The following EBF2 variants were observed in gnomAD, a reference collection of about 807,000 sequenced individuals.
EBF2 encodes the protein transcription factor COE2.
A neutral mutation model predicts 72.8 loss-of-function variants in EBF2; 21 were observed. That is an observed-to-expected ratio of 0.29 (90% confidence interval 0.20 to 0.42). The LOEUF (loss-of-function observed/expected upper bound fraction) is 0.42, where lower values mean the gene tolerates loss of function less well. Among genes scored for constraint, EBF2 ranks in the 10% least tolerant of loss-of-function variants. The pLI is 1.00. For missense variants in EBF2, 637 were observed against 731.2 expected (o/e 0.87, Z 1.49); for synonymous variants, 299 against 274.2 (o/e 1.09, Z -0.89).
intron 6 of EBF2, among the ~76,000 whole-genome samples, chr8:25,995,606 T>C (rs576048264): frequency 6.6e-6 from 1 of 152,232 alleles, no homozygotes; most frequent in Admixed American, 6.5e-5. Context: ...AAGTGCACAC[T>C]GAAAATGAAT....
chr8:25,862,276 T>G (rs964320054), intron 11 of EBF2, among the ~76,000 whole-genome samples: 4 of 152,140 alleles, frequency 2.6e-5, no homozygotes, highest in African/African-American at 9.7e-5. Flanking sequence ...TCATAGAAAT[T>G]TTATACAGAA....
At chr8:25,977,091 T>C (rs1239979682) in intron 6 of EBF2, among the ~76,000 whole-genome samples, 2 of 152,164 alleles carry the variant, frequency 1.3e-5, no homozygotes, top group African/African-American at 4.8e-5. Context: ...CTGACTGAGA[T>C]CTGATTAGGG....
At chr8:25,891,379 A>C (rs2117294774) in intron 7 of EBF2, among the ~76,000 whole-genome samples, 1 of 152,120 alleles carries the variant, frequency 6.6e-6, no homozygotes, top group South Asian at 2.1e-4. Context: ...ATTATTATTG[A>C]GAAAAAAAAA....
intron 6 of EBF2, among the ~76,000 whole-genome samples, chr8:26,023,979 T>C (rs1417101944): frequency 2.6e-5 from 4 of 152,214 alleles, no homozygotes; most frequent in Admixed American, 6.5e-5. Flanking sequence ...AAAATCCTTC[T>C]ACATCTTCCA....
intron 6 of EBF2, among the ~76,000 whole-genome samples, chr8:25,994,542 C>T (rs532974591): frequency 6.6e-6 from 1 of 152,150 alleles, no homozygotes; most frequent in Non-Finnish European, 1.5e-5. Context: ...AACTTAGATG[C>T]CCCAAAATGG....
At chr8:26,003,288 T>C (rs1804771891) in intron 6 of EBF2, among the ~76,000 whole-genome samples, 2 of 152,176 alleles carry the variant, frequency 1.3e-5, no homozygotes, top group South Asian at 4.1e-4. Context: ...AGGAGCTGAA[T>C]GCCCCCTGAG....
chr8:26,014,350 C>A (rs111591498), intron 6 of EBF2, among the ~76,000 whole-genome samples: 1 of 151,966 alleles, frequency 6.6e-6, no homozygotes, highest in South Asian at 2.1e-4. Flanking sequence ...TGCCCTCTGA[C>A]TTTTATTATT....
chr8:25,859,173 A>T (rs1046881131), intron 13 of EBF2, among the ~76,000 whole-genome samples: 6 of 152,216 alleles, frequency 3.9e-5, no homozygotes, highest in Non-Finnish European at 2.9e-5. Context: ...TCTGTGGTCA[A>T]GTTAGGCTGG....
At chr8:25,936,896 C>T (rs1395085135) in intron 6 of EBF2, among the ~76,000 whole-genome samples, 1 of 152,064 alleles carries the variant, frequency 6.6e-6, no homozygotes, top group Non-Finnish European at 1.5e-5. Context: ...TTTCAAAATC[C>T]CTTAAAAAGC....
intron 6 of EBF2, among the ~76,000 whole-genome samples, chr8:25,934,270 CA>C (rs1335785128): frequency 1.6e-4 from 22 of 139,160 alleles, no homozygotes; most frequent in Non-Finnish European, 2.9e-4. Context: ...CACACACACA[CA>C]CACACCAATC....
chr8:25,855,994 T>C (rs1429308320), intron 14 of EBF2, among the ~76,000 whole-genome samples: 1 of 152,190 alleles, frequency 6.6e-6, no homozygotes, highest in African/African-American at 2.4e-5. Flanking sequence ...TGGGGTGTTA[T>C]TAGTTTTCTT....
chr8:25,877,507 T>C (rs1177070902), intron 10 of EBF2, among the ~76,000 whole-genome samples: 1 of 152,068 alleles, frequency 6.6e-6, no homozygotes, highest in East Asian at 1.9e-4. Context: ...GCAAAGAAAA[T>C]GTGTTATTTT....
At chr8:25,954,091 A>G (rs1287473057) in intron 6 of EBF2, among the ~76,000 whole-genome samples, 3 of 152,226 alleles carry the variant, frequency 2.0e-5, no homozygotes, top group Non-Finnish European at 4.4e-5. Context: ...TAGAATAAAT[A>G]ATCTATCATG....
chr8:26,042,794 G>C (rs1354952235), intron 1 of EBF2, among the ~76,000 whole-genome samples: 2 of 152,212 alleles, frequency 1.3e-5, no homozygotes, highest in African/African-American at 4.8e-5. Context: ...ACTGGGAAAG[G>C]TAGTGGGTAA....
intron 10 of EBF2, among the ~76,000 whole-genome samples, chr8:25,870,465 C>T (rs1288504679): frequency 6.6e-6 from 1 of 152,148 alleles, no homozygotes; most frequent in Non-Finnish European, 1.5e-5. Context: ...AGTGCTCTGC[C>T]TCTCCCAAGA....
At chr8:25,992,327 C>T (rs1300040195) in intron 6 of EBF2, among the ~76,000 whole-genome samples, 32 of 92,596 alleles carry the variant, frequency 3.5e-4, no homozygotes, top group African/African-American at 1.3e-3. Flanking sequence ...GCGTGAGACT[C>T]TGTCTCAAAA....
chr8:25,947,660 C>A (rs1488569963), intron 6 of EBF2, among the ~76,000 whole-genome samples: 3 of 152,160 alleles, frequency 2.0e-5, no homozygotes, highest in African/African-American at 4.8e-5. Flanking sequence ...CTTAAGTGCA[C>A]CCTATTGGAA....
chr8:25,920,402 C>G (rs971818605), intron 6 of EBF2, among the ~76,000 whole-genome samples: 1 of 152,198 alleles, frequency 6.6e-6, no homozygotes, highest in African/African-American at 2.4e-5. Context: ...GAGACTAGAG[C>G]AGAATTGAGA....
chr8:25,951,645 G>A (rs1803863548), intron 6 of EBF2, among the ~76,000 whole-genome samples: 1 of 152,220 alleles, frequency 6.6e-6, no homozygotes, highest in African/African-American at 2.4e-5. Context: ...CTAGGGCAAA[G>A]ATGAGAGAGT....
Sources: allele counts gnomAD v4.1 joint callset (sites outside exome capture counted in the v4.1 genomes callset), GRCh38; gene constraint gnomAD v4.1.1; transcripts MANE v1.5; gene names NCBI Gene and HGNC (gene_info 2026-07-23, HGNC 2026-07-21).